PTPN21: variants seen among roughly 807,000 people sequenced by gnomAD.
PTPN21 encodes tyrosine-protein phosphatase non-receptor type 21.
Under a neutral mutation model 131.8 loss-of-function variants are expected in PTPN21, and 77 were observed. The observed-to-expected ratio is 0.58, with a 90% CI of 0.49 to 0.71. The LOEUF is 0.71. Among genes scored for constraint, PTPN21 ranks in the 30% least tolerant of loss-of-function variants. The pLI, the probability that PTPN21 is intolerant of heterozygous loss-of-function variation, is 0.00. For synonymous variants in PTPN21, 715 were observed against 621.3 expected (o/e 1.15, Z -2.24); for missense variants, 1,552 against 1,527.1 (o/e 1.02, Z -0.27).
chr14:88,471,856 T>A (rs368802038), intron 15 of PTPN21, among the ~76,000 whole-genome samples: 1 of 151,424 alleles, frequency 6.6e-6, no homozygotes, highest in African/African-American at 2.4e-5. Flanking sequence ...TAGGGAGCCA[T>A]GATCATACCA....
chr14:88,480,180 G>C lies in PTPN21; in HGVS notation c.1251C>G (p.Ser417=), dbSNP rs1297065835. The C allele has an allele frequency of 6.2e-7, 1 of 1,614,174 alleles. No homozygotes were observed. Among genetic ancestry groups the C allele is most frequent in the Non-Finnish European group, 8.5e-7 (1 of 1,180,008 alleles). ...QPYLQPSPMS[S]NPSITGSDVM... ...CGTCACTCCCGGTGATGCTAGGGTT[G>C]GACGACATCGGCGAGGGCTGCAAGT... Residue 417 remains serine (S), a synonymous_variant, in exon 13 of 19, where the codon TCC becomes TCG. Coordinates refer to ENST00000556564, the MANE Select transcript of PTPN21 (RefSeq NM_007039.4).
chr14:88,528,420 G>T (rs924696525), intron 2 of PTPN21, among the ~76,000 whole-genome samples: 1 of 152,158 alleles, frequency 6.6e-6, no homozygotes, highest in East Asian at 1.9e-4. Context: ...TGTTATAAAA[G>T]AAGTTGAGTT....
At chr14:88,504,292 T>C (rs1038694993) in intron 6 of PTPN21, 133 bp downstream of exon 6, 50 of 687,796 alleles carry the variant, frequency 7.3e-5, no homozygotes, top group Middle Eastern at 3.7e-4. Flanking sequence ...CTTGTAATAG[T>C]AGTGGCAGTA....
At chr14:88,499,720 G>A (rs1043154551) in intron 8 of PTPN21, among the ~76,000 whole-genome samples, 2 of 152,016 alleles carry the variant, frequency 1.3e-5, no homozygotes, top group Non-Finnish European at 2.9e-5. Context: ...TAGACACAAA[G>A]GAACCAAAAA....
chr14:88,479,078 G>C lies in PTPN21; in HGVS notation c.2353C>G (p.Arg785Gly). ...SPVRTTAEAQRPWRDGLLMPS... is the reference protein window; with the variant it reads ...SPVRTTAEAQGPWRDGLLMPS... ...ATCAGCAGCCCGTCTCTCCAGGGCC[G>C]CTGGGCCTCTGCGGTCGTGCGGACG... Residue 785 changes from arginine (R) to glycine (G), a missense_variant, in exon 13 of 19, where the codon CGG becomes GGG. Physicochemically the swap from Arg to Gly is moderately radical, Grantham distance 125. Around this residue, in one of 4 missense-constraint regions of PTPN21, gnomAD observed 1,016 missense variants for 883.5 expected, o/e 1.15. Coordinates refer to ENST00000556564, the MANE Select transcript of PTPN21 (RefSeq NM_007039.4). 2 of 1,594,942 alleles carry C rather than the reference G, an allele frequency of 1.3e-6. No individual in the cohort carries two copies. The highest frequency in any genetic ancestry group is 1.7e-6 in the Non-Finnish European group (2 of 1,171,592).
At chr14:88,493,579 T>C (rs976440785) in intron 10 of PTPN21, among the ~76,000 whole-genome samples, 1 of 152,208 alleles carries the variant, frequency 6.6e-6, no homozygotes, top group Non-Finnish European at 1.5e-5. Context: ...GTTCCTGACA[T>C]GTAACTTCAA....
At position 88,501,376 on chromosome 14, in the gene PTPN21, C is replaced by T. The variant is rs752489642; in HGVS notation, c.588-8G>A. 1 of 1,609,772 alleles carries T rather than the reference C, an allele frequency of 6.2e-7. No homozygotes were observed. The highest frequency in any genetic ancestry group is 8.5e-7 in the Non-Finnish European group (1 of 1,176,278). On this transcript the variant is annotated splice_polypyrimidine_tract_variant and splice_region_variant and intron_variant, in intron 6 of 18. Coordinates refer to ENST00000556564, the MANE Select transcript of PTPN21 (RefSeq NM_007039.4). ...TCAGGAGCTGTGAGCCCTCTGCAACCCAAAAGAAGCAAGATTGTTCACAAA... is the reference window on the plus strand; with the variant it reads ...TCAGGAGCTGTGAGCCCTCTGCAACTCAAAAGAAGCAAGATTGTTCACAAA...
Position 88,469,182 on chromosome 14 carries a change from G to A in PTPN21, c.3236-106C>T, listed in dbSNP as rs1171661839. 6 of 1,293,252 alleles carry A rather than the reference G, an allele frequency of 4.6e-6. No individual in the cohort carries two copies. Among genetic ancestry groups the A allele is most frequent in the Non-Finnish European group, 6.3e-6 (6 of 947,728 alleles). The allele number at this position is 1,293,252 out of a possible 1,614,324, so 80.1% of individuals were successfully genotyped here. On this transcript the variant is annotated intron_variant, in intron 17 of 18. Coordinates refer to ENST00000556564, the MANE Select transcript of PTPN21 (RefSeq NM_007039.4). This position sits in a 1 kb window ranked among gnomAD's most constrained non-coding sequence, Gnocchi z 4.3. ...ACTGATTAAGAGGACTGCAGATAAA[G>A]AGCACTGGGTGCCAGTGAACCAAAC...
chr14:88,524,955 A>AT (rs2078452673), intron 2 of PTPN21, among the ~76,000 whole-genome samples: 1 of 152,068 alleles, frequency 6.6e-6, no homozygotes, highest in South Asian at 2.1e-4. Flanking sequence ...AAAAAAAACC[A>AT]TATCAGGCTA....
chr14:88,549,273 A>G (rs1422320474), intron 2 of PTPN21, among the ~76,000 whole-genome samples: 1 of 152,222 alleles, frequency 6.6e-6, no homozygotes, highest in Non-Finnish European at 1.5e-5. Flanking sequence ...AAAATGAACA[A>G]AAAAGAAAGA....
intron 13 of PTPN21, among the ~76,000 whole-genome samples, chr14:88,476,210 A>G (rs1360145923): frequency 1.3e-5 from 2 of 152,208 alleles, no homozygotes; most frequent in African/African-American, 2.4e-5. Context: ...TGTTGTAACG[A>G]TTAAGATAAT....
At chr14:88,497,496 G>A (rs563687632) in intron 8 of PTPN21, among the ~76,000 whole-genome samples, 6 of 152,136 alleles carry the variant, frequency 3.9e-5, no homozygotes, top group Admixed American at 6.5e-5. Flanking sequence ...TAGCCCAGGC[G>A]CAGTGGCTCA....
At chr14:88,510,132 A>G (rs542217830) in intron 3 of PTPN21, among the ~76,000 whole-genome samples, 52 of 152,356 alleles carry the variant, frequency 3.4e-4, no homozygotes, top group Middle Eastern at 6.8e-3. Context: ...TACTGTTATG[A>G]GAATTGACTC....
At chr14:88,490,236 T>C (rs1308695411) in intron 10 of PTPN21, among the ~76,000 whole-genome samples, 3 of 152,164 alleles carry the variant, frequency 2.0e-5, no homozygotes, top group Non-Finnish European at 2.9e-5. Context: ...CTTGAACTCC[T>C]GGCCTCAGAT....
Position 88,479,001 on chromosome 14 carries a change from C to G in PTPN21, c.2430G>C (p.Arg810=), listed in dbSNP as rs748235958. 7.5e-6 allele frequency: 12 copies of G among 1,599,550 alleles called. No individual in the cohort carries two copies. Among genetic ancestry groups the G allele is most frequent in the East Asian group, 2.3e-5 (1 of 44,164 alleles). ...DLTTSGRYRA[R]RDSLKKRPVS... ...CCGGCCTTTTCTTCAGAGAGTCCCT[C>G]CGGGCTCGGTAGCGGCCTGACGTGG... The change falls in exon 13 of 19, where the codon CGG becomes CGC. Residue 810 remains arginine (R), a synonymous_variant. Coordinates refer to ENST00000556564, the MANE Select transcript of PTPN21 (RefSeq NM_007039.4).
intron 8 of PTPN21, 124 bp downstream of exon 8, chr14:88,500,659 A>G: frequency 1.5e-6 from 1 of 676,252 alleles, no homozygotes; most frequent in East Asian, 2.6e-5. Context: ...TAGGAAGGGA[A>G]TTATTTCCAT....
chr14:88,472,488 T>C (rs868349087), intron 14 of PTPN21, 23 bp from the exon 15 acceptor site: 3 of 1,449,014 alleles, frequency 2.1e-6, no homozygotes, highest in Middle Eastern at 3.7e-4. Flanking sequence ...ATATGTGTAA[T>C]AACATGAATA....
At chr14:88,521,380 A>C (rs1288608565) in intron 2 of PTPN21, among the ~76,000 whole-genome samples, 1 of 152,038 alleles carries the variant, frequency 6.6e-6, no homozygotes, top group Non-Finnish European at 1.5e-5. Context: ...TAGGATCTAA[A>C]ACTGTTTTGG....
intron 18 of PTPN21, 45 bp from the exon 19 acceptor site, chr14:88,468,310 G>C (rs769158289): frequency 3.3e-6 from 5 of 1,515,154 alleles, no homozygotes; most frequent in Non-Finnish European, 4.5e-6. Context: ...TTCCCCTGGG[G>C]AGACAGAAAG....
Sources: allele counts gnomAD v4.1 joint callset (sites outside exome capture counted in the v4.1 genomes callset), GRCh38; gene constraint gnomAD v4.1.1; regional missense constraint gnomAD v4.1.1; non-coding constraint Gnocchi (gnomAD v3.1); transcripts MANE v1.5; gene names NCBI Gene and HGNC (gene_info 2026-07-23, HGNC 2026-07-21).